Variants in DIAPH3 observed in about 807,000 individuals in gnomAD.
DIAPH3 encodes protein diaphanous homolog 3.
DIAPH3 carries 117 observed loss-of-function variants against 144.3 expected under a neutral mutation model. The ratio of observed to expected loss-of-function variants is 0.81; its 90% CI spans 0.70 to 0.95. The LOEUF is 0.95. Ranked by LOEUF, DIAPH3 falls within the 40% of genes least tolerant of loss-of-function variation. DIAPH3 has a pLI of 0.00. For synonymous variants in DIAPH3, 519 were observed against 488.9 expected, an observed-to-expected ratio of 1.06 and a Z score of -0.81; for missense variants, 1,421 against 1,412.7, an observed-to-expected ratio of 1.01 and a Z score of -0.09.
intron 27 of DIAPH3, among the ~76,000 whole-genome samples, chr13:59,741,421 G>C (rs1041885281): frequency 2.0e-5 from 3 of 152,100 alleles, no homozygotes; most frequent in Admixed American, 6.6e-5. Context: ...GTATCTCAGA[G>C]AGACAAAAAC....
chr13:59,894,107 T>C (rs1010227454), intron 20 of DIAPH3, among the ~76,000 whole-genome samples: 1 of 152,110 alleles, frequency 6.6e-6, no homozygotes, highest in Admixed American at 6.5e-5. Context: ...AGCATTCAGA[T>C]CAAATCACTG....
chr13:60,053,492 A>G (rs2056439288), intron 4 of DIAPH3, among the ~76,000 whole-genome samples: 1 of 152,126 alleles, frequency 6.6e-6, no homozygotes, highest in East Asian at 1.9e-4. Flanking sequence ...TCTTTATTAA[A>G]TGTATTCTAA....
intron 2 of DIAPH3, among the ~76,000 whole-genome samples, chr13:60,118,005 T>C (rs1223414197): frequency 6.6e-6 from 1 of 152,164 alleles, no homozygotes; most frequent in Non-Finnish European, 1.5e-5. Context: ...TAGTTAAACA[T>C]ATGCAAGACT....
intron 18 of DIAPH3, among the ~76,000 whole-genome samples, chr13:59,916,641 C>T (rs1229042678): frequency 6.6e-6 from 1 of 152,030 alleles, no homozygotes; most frequent in East Asian, 1.9e-4. Flanking sequence ...TTTGTCTAAG[C>T]ATATGTATTA....
intron 27 of DIAPH3, among the ~76,000 whole-genome samples, chr13:59,748,445 A>G (rs1271162674): frequency 6.6e-6 from 1 of 152,220 alleles, no homozygotes; most frequent in African/African-American, 2.4e-5. Flanking sequence ...TTTAGACTTC[A>G]CCTGTGCTCA....
At chr13:60,112,246 T>C in intron 2 of DIAPH3, 60 bp from the exon 3 acceptor site, 1 of 1,597,988 alleles carries the variant, frequency 6.3e-7, no homozygotes, top group Non-Finnish European at 8.5e-7. Flanking sequence ...ATTTATCTCA[T>C]CTCAAAAATG....
intron 1 of DIAPH3, among the ~76,000 whole-genome samples, chr13:60,154,653 T>C (rs1056444687): frequency 6.6e-6 from 1 of 152,204 alleles, no homozygotes; most frequent in Non-Finnish European, 1.5e-5. Flanking sequence ...TTACTCCCAA[T>C]GGTAAGGTAT....
intron 17 of DIAPH3, among the ~76,000 whole-genome samples, chr13:59,958,866 A>ATTT (rs2049567787): frequency 7.6e-6 from 1 of 132,030 alleles, no homozygotes; most frequent in Non-Finnish European, 1.6e-5. Flanking sequence ...ACTTCAATAA[A>ATTT]CTTTTTTTTT....
chr13:60,035,265 T>G (rs557972924), intron 5 of DIAPH3, among the ~76,000 whole-genome samples: 3 of 152,172 alleles, frequency 2.0e-5, no homozygotes, highest in African/African-American at 7.2e-5. Context: ...TAACCCTGTA[T>G]TCAAAGCCAA....
rs951522546 is a variant in DIAPH3, at chr13:59,671,814, A to C, written c.3320-4968T>G. 7.9e-5 allele frequency among the ~76,000 whole-genome samples: 12 copies of C among 152,224 alleles called. 1 individual carries two copies. Among genetic ancestry groups the C allele is most frequent in the Admixed American group, 5.2e-4 (8 of 15,288 alleles). On this transcript the variant is annotated intron_variant, in intron 27 of 27. Coordinates refer to ENST00000400324, the MANE Select transcript of DIAPH3 (RefSeq NM_001042517.2). ...CAGCTTTTTCTTTGAAACTGAACTA[A>C]AAGTTGAACGTTGTTGGAGAGCTGA... is the stretch of plus-strand genomic sequence containing the variant.
At chr13:59,802,842 C>T (rs1422083637) in intron 25 of DIAPH3, among the ~76,000 whole-genome samples, 5 of 148,358 alleles carry the variant, frequency 3.4e-5, no homozygotes, top group African/African-American at 1.2e-4. Flanking sequence ...CCACCGCGCC[C>T]GGCTAATTTT....
intron 2 of DIAPH3, among the ~76,000 whole-genome samples, chr13:60,127,956 G>A (rs947372571): frequency 1.3e-5 from 2 of 151,868 alleles, no homozygotes; most frequent in Non-Finnish European, 2.9e-5. Flanking sequence ...TTGTTATATA[G>A]ATAAACTCAT....
rs75947512 is a variant in DIAPH3, at chr13:60,016,413, C to T, written c.627-268G>A. 3.2e-3 allele frequency among the ~76,000 whole-genome samples: 486 copies of T among 152,268 alleles called. 2 individuals carry two copies. The highest frequency in any genetic ancestry group is 0.01 in the African/African-American group (428 of 41,542). Reference sequence around the variant, plus strand: ...CCATGGTTCATGTTTAGGGACATCACGTGGGTAGCTTGAAATCAGCCACAG... The same window carrying T: ...CCATGGTTCATGTTTAGGGACATCATGTGGGTAGCTTGAAATCAGCCACAG... On this transcript the variant is annotated intron_variant, in intron 5 of 27. Coordinates refer to ENST00000400324, the MANE Select transcript of DIAPH3 (RefSeq NM_001042517.2).
chr13:59,924,949 T>C, intron 17 of DIAPH3, 79 bp from the exon 18 acceptor site: 5 of 1,512,862 alleles, frequency 3.3e-6, no homozygotes, highest in Non-Finnish European at 4.5e-6. Flanking sequence ...CTTTTTATCA[T>C]TAAATAAGCT....
chr13:60,128,335 T>C (rs1341122317), intron 2 of DIAPH3, among the ~76,000 whole-genome samples: 2 of 152,206 alleles, frequency 1.3e-5, no homozygotes, highest in African/African-American at 2.4e-5. Context: ...ATTGATTCCA[T>C]GTCTTTGCTA....
intron 20 of DIAPH3, among the ~76,000 whole-genome samples, chr13:59,907,570 T>C (rs1445225246): frequency 1.3e-5 from 2 of 152,168 alleles, no homozygotes; most frequent in Non-Finnish European, 2.9e-5. Context: ...ATAACTGGAT[T>C]TCAATCCTAA....
chr13:60,106,778 G>A (rs1240913010), intron 3 of DIAPH3, among the ~76,000 whole-genome samples: 5 of 152,160 alleles, frequency 3.3e-5, no homozygotes, highest in South Asian at 2.1e-4. Context: ...AAAGATGTTC[G>A]GACACATTTA....
chr13:60,034,187 C>A (rs2055022777), intron 5 of DIAPH3, among the ~76,000 whole-genome samples: 1 of 152,060 alleles, frequency 6.6e-6, no homozygotes, highest in African/African-American at 2.4e-5. Context: ...TCAACAGAAA[C>A]CAAAGAAACC....
chr13:60,103,836 C>A (rs2058338540), intron 3 of DIAPH3, among the ~76,000 whole-genome samples: 1 of 152,150 alleles, frequency 6.6e-6, no homozygotes, highest in African/African-American at 2.4e-5. Flanking sequence ...ACAATTTTAT[C>A]CAGAGTTCTG....
Sources: allele counts gnomAD v4.1 joint callset (sites outside exome capture counted in the v4.1 genomes callset), GRCh38; gene constraint gnomAD v4.1.1; transcripts MANE v1.5; gene names NCBI Gene and HGNC (gene_info 2026-07-23, HGNC 2026-07-21).